STK39: variants seen among roughly 807,000 people sequenced by gnomAD.
The protein encoded by STK39 is serine/threonine kinase 39, also known as STE20/SPS1-related proline-alanine-rich protein kinase.
Under a neutral mutation model 77.8 loss-of-function variants are expected in STK39, and 20 were observed. The ratio of observed to expected loss-of-function variants is 0.26; its 90% CI spans 0.18 to 0.37. The LOEUF is 0.37. Ranked by LOEUF, STK39 falls within the 10% of genes least tolerant of loss-of-function variation. The pLI, the probability that STK39 is intolerant of heterozygous loss-of-function variation, is 1.00. For synonymous variants in STK39, 246 were observed against 234.1 expected (o/e 1.05, Z -0.47); for missense variants, 479 against 656.5 (o/e 0.73, Z 2.95).
chr2:168,198,683 G>A (rs1012293197), intron 1 of STK39, among the ~76,000 whole-genome samples: 58 of 152,212 alleles, frequency 3.8e-4, no homozygotes, highest in South Asian at 2.1e-4. Context: ...AATCAAATAC[G>A]GACTTAGCAC....
intron 10 of STK39, among the ~76,000 whole-genome samples, chr2:168,102,929 CAAAAAAAAAA>C (rs35442749): frequency 1.4e-4 from 7 of 50,082 alleles, no homozygotes; most frequent in East Asian, 7.1e-4. Flanking sequence ...GAATCCGTCT[CAAAAAAAAAA>C]AAAAAAAAAA....
chr2:168,147,175 G>T (rs1688161237), intron 5 of STK39, among the ~76,000 whole-genome samples: 1 of 152,176 alleles, frequency 6.6e-6, no homozygotes, highest in Non-Finnish European at 1.5e-5. Context: ...AGGTTCACTG[G>T]TTAATCCTAA....
At chr2:168,206,601 G>A (rs186694223) in intron 1 of STK39, among the ~76,000 whole-genome samples, 47 of 152,184 alleles carry the variant, frequency 3.1e-4, no homozygotes, top group African/African-American at 1.1e-3. Context: ...ACGCCCGGCT[G>A]AGATCTAGAC....
chr2:168,008,883 G>T (rs1022540961), intron 16 of STK39, among the ~76,000 whole-genome samples: 1 of 152,178 alleles, frequency 6.6e-6, no homozygotes, highest in African/African-American at 2.4e-5. Context: ...AGCATGATAA[G>T]GACTGAGGAT....
At chr2:168,028,824 C>A (rs1451332003) in intron 14 of STK39, among the ~76,000 whole-genome samples, 1 of 152,174 alleles carries the variant, frequency 6.6e-6, no homozygotes, top group African/African-American at 2.4e-5. Flanking sequence ...ACGCTAAGTA[C>A]TTTCTAACAG....
At chr2:167,969,374 C>A (rs571621167) in intron 16 of STK39, among the ~76,000 whole-genome samples, 1 of 152,140 alleles carries the variant, frequency 6.6e-6, no homozygotes, top group African/African-American at 2.4e-5. Flanking sequence ...CCATCAACTT[C>A]GGGATAAAGT....
chr2:168,005,796 G>A (rs925297893), intron 16 of STK39, among the ~76,000 whole-genome samples: 1 of 152,188 alleles, frequency 6.6e-6, no homozygotes, highest in Non-Finnish European at 1.5e-5. Flanking sequence ...CAGCAGAGGA[G>A]GCTTCATGAT....
intron 14 of STK39, among the ~76,000 whole-genome samples, chr2:168,045,337 C>T (rs886555159): frequency 6.6e-6 from 1 of 152,140 alleles, no homozygotes; most frequent in South Asian, 2.1e-4. Context: ...CAGAAACACT[C>T]AGGCCCCCTG....
intron 14 of STK39, among the ~76,000 whole-genome samples, chr2:168,062,982 A>ACT (rs1381172671): frequency 3.3e-5 from 5 of 152,326 alleles, no homozygotes; most frequent in Admixed American, 3.3e-4. Context: ...CAAAGACCAT[A>ACT]CTGTCAGGCA....
intron 2 of STK39, 51 bp downstream of exon 2, chr2:168,181,927 C>A: frequency 6.7e-7 from 1 of 1,496,468 alleles, no homozygotes. Context: ...TCCCCATATA[C>A]CCATAGATTA....
intron 5 of STK39, among the ~76,000 whole-genome samples, chr2:168,153,599 T>C (rs1253802985): frequency 7.4e-6 from 1 of 135,942 alleles, no homozygotes; most frequent in Non-Finnish European, 1.6e-5. Context: ...ATGTGTACAA[T>C]AAAGAAAACA....
rs139173533 is a variant in STK39, at chr2:168,060,133, C to G, written c.1376+3367G>C. ...ACTGAAGTACAAGGACATCCCCCCC[C>G]TTTCCACCCCACTCCAACAATAATT... On this transcript the variant is annotated intron_variant, in intron 14 of 17. Coordinates refer to ENST00000355999, the MANE Select transcript of STK39 (RefSeq NM_013233.3). 9.9e-3 allele frequency among the ~76,000 whole-genome samples: 1,513 copies of G among 152,234 alleles called. 29 individuals carry two copies. The highest frequency in any genetic ancestry group is 0.034 in the African/African-American group (1,397 of 41,536).
intron 1 of STK39, among the ~76,000 whole-genome samples, chr2:168,242,992 T>G (rs1426564653): frequency 6.6e-6 from 1 of 151,898 alleles, no homozygotes; most frequent in Non-Finnish European, 1.5e-5. Flanking sequence ...AGCCCTGTCT[T>G]GAGACAAAGC....
At position 168,143,882 on chromosome 2, in the gene STK39, A is replaced by G. The variant is rs572891003; in HGVS notation, c.629-3124T>C. On this transcript the variant is annotated intron_variant, in intron 5 of 17. Coordinates refer to ENST00000355999, the MANE Select transcript of STK39 (RefSeq NM_013233.3). ...ATCCCATCACCTCCTTGGCCTCACC[A>G]GCATTGCCCTTGCACATGATGCTTT... is the stretch of plus-strand genomic sequence containing the variant. Among the ~76,000 whole-genome samples the G allele has an allele frequency of 7.9e-5, 12 of 152,332 alleles. No individual in the cohort carries two copies. In the South Asian group the frequency reaches 2.5e-3, roughly 32 times the overall value.
chr2:168,007,905 A>G (rs562040125), intron 16 of STK39, among the ~76,000 whole-genome samples: 11 of 152,330 alleles, frequency 7.2e-5, no homozygotes, highest in African/African-American at 2.2e-4. Context: ...AAAGTCACAT[A>G]TTATAAAGTT....
At chr2:168,049,807 A>C (rs547067267) in intron 14 of STK39, among the ~76,000 whole-genome samples, 69 of 152,126 alleles carry the variant, frequency 4.5e-4, no homozygotes, top group African/African-American at 1.5e-3. Context: ...CTGTGTTCCT[A>C]CTCTTCCTTG....
intron 5 of STK39, among the ~76,000 whole-genome samples, chr2:168,158,825 G>T (rs1426084665): frequency 6.6e-6 from 1 of 152,162 alleles, no homozygotes; most frequent in East Asian, 1.9e-4. Flanking sequence ...CACACAGGAA[G>T]CACTCAAGAC....
chr2:168,168,202 T>C (rs1688736041), intron 2 of STK39, among the ~76,000 whole-genome samples: 1 of 152,200 alleles, frequency 6.6e-6, no homozygotes, highest in South Asian at 2.1e-4. Context: ...ATTTTATTCT[T>C]TGTTGTTTTA....
intron 1 of STK39, among the ~76,000 whole-genome samples, chr2:168,228,594 CA>C (rs1371821427): frequency 6.6e-6 from 1 of 151,948 alleles, no homozygotes; most frequent in Admixed American, 6.6e-5. Flanking sequence ...GGTTTGAGAC[CA>C]GCCTGACCAA....
Sources: gnomAD v4.1 joint callset for allele counts (sites outside exome capture counted in the v4.1 genomes callset) on GRCh38, gnomAD v4.1.1 for gene constraint, MANE v1.5 for transcripts, NCBI Gene and HGNC (gene_info 2026-07-23, HGNC 2026-07-21) for gene names.